DGKI: variants seen among roughly 807,000 people sequenced by gnomAD.
DGKI encodes DAG kinase iota.
A neutral mutation model predicts 147.5 loss-of-function variants in DGKI; 55 were observed. That is an observed-to-expected ratio of 0.37 (90% CI 0.30 to 0.47). DGKI has a LOEUF of 0.47. Ranked by LOEUF, DGKI falls within the 20% of genes least tolerant of loss-of-function variation. The probability of loss-of-function intolerance (pLI) is 1.00; values close to 1 mark genes in which losing one functional copy is unlikely to be tolerated. For missense variants in DGKI, 1,007 were observed against 1,323.8 expected (o/e 0.76, Z 3.71); for synonymous variants, 469 against 477.1 (o/e 0.98, Z 0.22).
At chr7:137,394,447 TTCTC>T (rs1371799257) in intron 32 of DGKI, among the ~76,000 whole-genome samples, 1 of 151,920 alleles carries the variant, frequency 6.6e-6, no homozygotes, top group East Asian at 1.9e-4. Context: ...TAACTCCTCT[TTCTC>T]TCTCTTCTTT....
At chr7:137,567,390 T>G (rs994216200) in intron 19 of DGKI, among the ~76,000 whole-genome samples, 1 of 152,204 alleles carries the variant, frequency 6.6e-6, no homozygotes, top group Admixed American at 6.6e-5. Flanking sequence ...CATTATATAT[T>G]CTTTTTTAGA....
intron 1 of DGKI, among the ~76,000 whole-genome samples, chr7:137,802,902 T>C (rs1021120818): frequency 3.9e-5 from 6 of 152,074 alleles, no homozygotes; most frequent in African/African-American, 7.2e-5. Flanking sequence ...TGAAGCACTA[T>C]GCCAAATGCT....
At chr7:137,731,867 C>T (rs1402414941) in intron 1 of DGKI, among the ~76,000 whole-genome samples, 1 of 152,046 alleles carries the variant, frequency 6.6e-6, no homozygotes, top group East Asian at 1.9e-4. Context: ...AGCTCTCTGT[C>T]CTACACCATG....
At chr7:137,746,865 A>G (rs940776664) in intron 1 of DGKI, among the ~76,000 whole-genome samples, 8 of 152,094 alleles carry the variant, frequency 5.3e-5, no homozygotes, top group Non-Finnish European at 4.4e-5. Context: ...AGCATTGGCC[A>G]CCAATGGGGG....
chr7:137,773,534 T>C (rs1450118140), intron 1 of DGKI, among the ~76,000 whole-genome samples: 1 of 152,100 alleles, frequency 6.6e-6, no homozygotes, highest in Non-Finnish European at 1.5e-5. Context: ...AGAGACAAGA[T>C]GTTGATCAGG....
At chr7:137,450,373 G>A (rs746490660) in intron 27 of DGKI, among the ~76,000 whole-genome samples, 1 of 152,056 alleles carries the variant, frequency 6.6e-6, no homozygotes, top group Non-Finnish European at 1.5e-5. Flanking sequence ...TTCACATCAT[G>A]TTGTATACAA....
rs373706982 is a variant in DGKI at position 137,493,394 on chromosome 7, T to G, written c.2249-5705A>C. Among the ~76,000 whole-genome samples, 100 of 152,292 alleles carry G rather than the reference T, an allele frequency of 6.6e-4. No homozygotes were observed. The Middle Eastern group carries it at 0.014, about 21-fold the overall frequency. The stretch of plus-strand genomic sequence containing the variant: ...CATCACACTGCTGTTGCTTCTGGCA[T>G]GTACAAATGAGCACAGATCTTACTT... On this transcript the variant is annotated intron_variant, in intron 21 of 32. Coordinates refer to ENST00000614521, the MANE Select transcript of DGKI (RefSeq NM_001321708.2).
chr7:137,556,279 A>C (rs2128968392), intron 19 of DGKI, among the ~76,000 whole-genome samples: 1 of 152,248 alleles, frequency 6.6e-6, no homozygotes, highest in South Asian at 2.1e-4. Flanking sequence ...ACAATAAAAA[A>C]AAATTTAGAA....
At chr7:137,507,515 T>C (rs2128945812) in intron 21 of DGKI, among the ~76,000 whole-genome samples, 1 of 152,338 alleles carries the variant, frequency 6.6e-6, no homozygotes, top group African/African-American at 2.4e-5. Flanking sequence ...TAAATGCTTA[T>C]GGCATTGATA....
chr7:137,393,692 G>T (rs543369880), intron 32 of DGKI, among the ~76,000 whole-genome samples: 2 of 152,258 alleles, frequency 1.3e-5, no homozygotes, highest in East Asian at 3.9e-4. Context: ...TACCCAATTA[G>T]CTAGCCAGAC....
intron 28 of DGKI, among the ~76,000 whole-genome samples, chr7:137,429,586 CA>C (rs879330739): frequency 6.6e-6 from 1 of 151,040 alleles, no homozygotes; most frequent in Non-Finnish European, 1.5e-5. Context: ...TTCTGCACAG[CA>C]AAAAAAACTA....
chr7:137,406,779 T>G (rs545491641), intron 30 of DGKI, among the ~76,000 whole-genome samples: 1 of 152,286 alleles, frequency 6.6e-6, no homozygotes, highest in African/African-American at 2.4e-5. Flanking sequence ...TGATCTTATT[T>G]TTTTCTTTAG....
chr7:137,705,798 A>G (rs1794002228), intron 1 of DGKI, among the ~76,000 whole-genome samples: 1 of 152,200 alleles, frequency 6.6e-6, no homozygotes, highest in African/African-American at 2.4e-5. Flanking sequence ...AATGGAGGTC[A>G]GTATCCATGA....
intron 8 of DGKI, among the ~76,000 whole-genome samples, chr7:137,615,527 ATGTATG>A (rs1271999200): frequency 1.7e-4 from 23 of 137,408 alleles, no homozygotes; most frequent in African/African-American, 5.0e-4. Flanking sequence ...GTGTATATGT[ATGTATG>A]TGTGTGTGTG....
intron 30 of DGKI, among the ~76,000 whole-genome samples, chr7:137,401,892 T>G (rs546313693): frequency 6.6e-6 from 1 of 152,336 alleles, no homozygotes; most frequent in South Asian, 2.1e-4. Context: ...CAGTTGTCAT[T>G]TGAACTCTGC....
At chr7:137,394,813 T>G (rs1253379435) in intron 32 of DGKI, among the ~76,000 whole-genome samples, 1 of 152,168 alleles carries the variant, frequency 6.6e-6, no homozygotes, top group South Asian at 2.1e-4. Context: ...ACAGACTCCA[T>G]AAACAAACCG....
intron 1 of DGKI, among the ~76,000 whole-genome samples, chr7:137,732,357 C>G (rs981126513): frequency 6.6e-6 from 1 of 152,154 alleles, no homozygotes; most frequent in Admixed American, 6.5e-5. Flanking sequence ...TGCCTGAGTA[C>G]TTTGCATACA....
intron 30 of DGKI, among the ~76,000 whole-genome samples, chr7:137,403,509 A>T (rs1811839370): frequency 6.6e-6 from 1 of 152,164 alleles, no homozygotes. Context: ...ACTCCTGACC[A>T]GAGCCAATGA....
At chr7:137,533,133 T>A (rs1052583457) in intron 20 of DGKI, among the ~76,000 whole-genome samples, 5 of 151,848 alleles carry the variant, frequency 3.3e-5, no homozygotes, top group African/African-American at 4.8e-5. Context: ...AACTTTTTTT[T>A]AAATAAATAA....
Sources: allele counts gnomAD v4.1 joint callset (sites outside exome capture counted in the v4.1 genomes callset), GRCh38; gene constraint gnomAD v4.1.1; transcripts MANE v1.5; gene names NCBI Gene and HGNC (gene_info 2026-07-23, HGNC 2026-07-21).